Variants in ALPK1 observed in about 807,000 individuals in gnomAD.
ALPK1 encodes the protein alpha kinase 1, also known as alpha-protein kinase 1.
Under a neutral mutation model 120.6 loss-of-function variants are expected in ALPK1, and 110 were observed. That is an observed-to-expected ratio of 0.91 (90% CI 0.78 to 1.07). ALPK1 has a LOEUF of 1.07. ALPK1 is among the 50% of genes least tolerant of loss of function. ALPK1 has a pLI of 0.00. For missense variants in ALPK1, 1,498 were observed against 1,483.9 expected (o/e 1.01, Z -0.16); for synonymous variants, 582 against 560.3 (o/e 1.04, Z -0.55).
chr4:112,305,358 G>A (rs1288632209), intron 1 of ALPK1, among the ~76,000 whole-genome samples: 2 of 150,862 alleles, frequency 1.3e-5, no homozygotes, highest in African/African-American at 2.5e-5. Context: ...CCATTTTCAC[G>A]ATATTGATTC....
intron 7 of ALPK1, 174 bp from the exon 8 acceptor site, chr4:112,426,293 T>C (rs1734228190): frequency 2.4e-6 from 1 of 409,184 alleles, no homozygotes; most frequent in Non-Finnish European, 4.3e-6. Flanking sequence ...AAAAATTGTC[T>C]ATATTACAAC....
intron 1 of ALPK1, chr4:112,302,582 A>G (rs901782092): frequency 6.6e-6 from 1 of 152,216 alleles, no homozygotes; most frequent in Non-Finnish European, 1.5e-5. Flanking sequence ...CTGTTTCAGT[A>G]AAAAGTGTGT....
At chr4:112,404,926 A>G (rs1733098871) in intron 4 of ALPK1, among the ~76,000 whole-genome samples, 1 of 152,006 alleles carries the variant, frequency 6.6e-6, no homozygotes, top group South Asian at 2.1e-4. Context: ...CTTTCTGAAT[A>G]CTCCACCCCA....
In ALPK1 at chr4:112,416,402, A is replaced by T. The variant is rs533997179; in HGVS notation, c.475+4377A>T. Reference sequence around the variant, plus strand: ...AATTATGGAACTGGAAACTGTATTTAAAAAAAATGTTGAAAATGAAGCACA... The same window carrying T: ...AATTATGGAACTGGAAACTGTATTTTAAAAAAATGTTGAAAATGAAGCACA... On this transcript the variant is annotated intron_variant, in intron 5 of 15. Coordinates refer to ENST00000650871, the MANE Select transcript of ALPK1 (RefSeq NM_025144.4). Among the ~76,000 whole-genome samples, 30 of 152,202 alleles carry T rather than the reference A, an allele frequency of 2.0e-4. No individual in the cohort carries two copies. The South Asian group carries it at 2.9e-3, about 15-fold the overall frequency.
chr4:112,348,785 G>C (rs889168463), intron 2 of ALPK1, among the ~76,000 whole-genome samples: 14 of 152,362 alleles, frequency 9.2e-5, no homozygotes, highest in African/African-American at 3.4e-4. Context: ...GTCAGCCCAG[G>C]AGTGTGGTCT....
intron 4 of ALPK1, among the ~76,000 whole-genome samples, chr4:112,407,725 G>C (rs1560674176): frequency 6.6e-6 from 1 of 152,036 alleles, no homozygotes; most frequent in Non-Finnish European, 1.5e-5. Flanking sequence ...AAAGAGTGGG[G>C]AATCACCTCT....
chr4:112,307,273 G>T (rs1050169227), intron 1 of ALPK1, among the ~76,000 whole-genome samples: 9 of 151,576 alleles, frequency 5.9e-5, no homozygotes, highest in Non-Finnish European at 1.3e-4. Flanking sequence ...AGGTCCGCTT[G>T]GTGCAGAGCT....
intron 2 of ALPK1, chr4:112,356,122 A>T: frequency 6.5e-7 from 1 of 1,535,388 alleles, no homozygotes; most frequent in Admixed American, 1.7e-5. Context: ...TGCCCTCCTG[A>T]GAACAGGCTG....
At chr4:112,337,312 A>C (rs1729663007) in intron 2 of ALPK1, among the ~76,000 whole-genome samples, 1 of 152,300 alleles carries the variant, frequency 6.6e-6, no homozygotes, top group Non-Finnish European at 1.5e-5. Flanking sequence ...TAAAGCTATA[A>C]ATTTTCATCT....
intron 2 of ALPK1, among the ~76,000 whole-genome samples, chr4:112,319,073 C>T (rs377080379): frequency 7.2e-5 from 11 of 152,274 alleles, no homozygotes; most frequent in African/African-American, 2.6e-4. Flanking sequence ...CTGGGCAGCA[C>T]ATGAAGCATA....
chr4:112,337,236 C>G (rs1387456025), intron 2 of ALPK1, among the ~76,000 whole-genome samples: 1 of 152,042 alleles, frequency 6.6e-6, no homozygotes, highest in Non-Finnish European at 1.5e-5. Flanking sequence ...TTTAGTTTGT[C>G]TCTCTTTTTA....
intron 14 of ALPK1, among the ~76,000 whole-genome samples, chr4:112,440,317 T>C (rs1369272229): frequency 1.3e-5 from 2 of 152,206 alleles, no homozygotes; most frequent in East Asian, 3.8e-4. Flanking sequence ...CTTTAAACTA[T>C]GTACTTAAAT....
chr4:112,344,607 C>T (rs1730026377), intron 2 of ALPK1, among the ~76,000 whole-genome samples: 1 of 152,162 alleles, frequency 6.6e-6, no homozygotes, highest in African/African-American at 2.4e-5. Context: ...TTGAAATATT[C>T]AGGACTGTGT....
At chr4:112,299,606 G>C (rs916050610) in intron 1 of ALPK1, among the ~76,000 whole-genome samples, 1 of 152,152 alleles carries the variant, frequency 6.6e-6, no homozygotes. Context: ...TAATGCATTT[G>C]AGAAGTGGAT....
At chr4:112,432,604 T>G in intron 11 of ALPK1, 23 bp downstream of exon 11, 1 of 1,593,860 alleles carries the variant, frequency 6.3e-7, no homozygotes, top group Non-Finnish European at 8.5e-7. Flanking sequence ...TTTTCAATAG[T>G]TCCCCCCTCA....
At chr4:112,342,736 A>G (rs1034552220) in intron 2 of ALPK1, among the ~76,000 whole-genome samples, 6 of 152,214 alleles carry the variant, frequency 3.9e-5, no homozygotes, top group African/African-American at 9.6e-5. Flanking sequence ...TATGTCATGT[A>G]CTTTTATCCT....
chr4:112,387,534 A>G (rs907583238), intron 4 of ALPK1, among the ~76,000 whole-genome samples: 8 of 152,208 alleles, frequency 5.3e-5, no homozygotes, highest in African/African-American at 1.4e-4. Flanking sequence ...GTCTGAGGAC[A>G]TGAAGCAGGC....
chr4:112,403,706 G>A (rs1445441831), intron 4 of ALPK1, among the ~76,000 whole-genome samples: 1 of 152,168 alleles, frequency 6.6e-6, no homozygotes, highest in Non-Finnish European at 1.5e-5. Flanking sequence ...CTCAATAGCT[G>A]ACAGAAAAAT....
chr4:112,352,231 A>T (rs1394490016), intron 2 of ALPK1, among the ~76,000 whole-genome samples: 2 of 152,232 alleles, frequency 1.3e-5, no homozygotes, highest in African/African-American at 4.8e-5. Context: ...ATATACATGG[A>T]ACATGATGAA....
Sources: allele counts gnomAD v4.1 joint callset (sites outside exome capture counted in the v4.1 genomes callset), GRCh38; gene constraint gnomAD v4.1.1; transcripts MANE v1.5; gene names NCBI Gene and HGNC (gene_info 2026-07-23, HGNC 2026-07-21).